Variants in DEPTOR observed in about 807,000 individuals in gnomAD.
The protein encoded by DEPTOR is DEP domain containing MTOR interacting protein.
In DEPTOR, 41 loss-of-function variants were observed where a neutral mutation model predicts 41.6. The ratio of observed to expected loss-of-function variants is 0.98; its 90% CI spans 0.77 to 1.28. DEPTOR has a LOEUF of 1.28. DEPTOR is among the 50% of genes most tolerant of loss of function. The pLI is 0.00. For missense variants in DEPTOR, 514 were observed against 527.9 expected, an observed-to-expected ratio of 0.97 and a Z score of 0.26; for synonymous variants, 195 against 192.3, an observed-to-expected ratio of 1.01 and a Z score of -0.12.
chr8:119,959,158 CTTTTTTTTTT>C (rs60202859), intron 3 of DEPTOR, among the ~76,000 whole-genome samples: 16 of 114,868 alleles, frequency 1.4e-4, no homozygotes, highest in South Asian at 3.1e-4. Context: ...TTCTTTCTTT[CTTTTTTTTTT>C]TTTTTTTTTT....
intron 5 of DEPTOR, among the ~76,000 whole-genome samples, 186 bp from the exon 6 acceptor site, chr8:120,002,791 A>AAAAAAAATAAATATATAT: frequency 1.6e-5 from 1 of 60,674 alleles, no homozygotes; most frequent in Non-Finnish European, 2.9e-5. Context: ...AAAAAAAAAA[A>AAAAAAAATAAATATATAT]ATATATATAT....
chr8:119,919,382 C>CT (rs1827862619), intron 1 of DEPTOR, among the ~76,000 whole-genome samples: 1 of 151,984 alleles, frequency 6.6e-6, no homozygotes, highest in Admixed American at 6.6e-5. Context: ...GTTAACCCAG[C>CT]TTTAATAATT....
chr8:119,873,736 A>G lies in DEPTOR; in HGVS notation c.-111A>G. 2 of 1,468,084 alleles carry G rather than the reference A, an allele frequency of 1.4e-6. No homozygotes were observed. The highest frequency in any genetic ancestry group is 9.2e-7 in the Non-Finnish European group (1 of 1,089,762). The allele number at this position is 1,468,084 out of a possible 1,614,324, so 90.9% of individuals were successfully genotyped here. A position where few individuals can be genotyped will look rare whatever the true frequency, so the allele number is the denominator to read the frequency against. On this transcript the variant is annotated 5_prime_UTR_variant, in exon 1 of 9. Transcript: ENST00000286234. ...CCAGCCAATCCAGTCAGAGCAGCGG[A>G]GCTGCCCCGAACAAAGATGGCGCGG...
Position 120,009,002 on chromosome 8 carries a change from C to G in DEPTOR, c.997-27C>G, listed in dbSNP as rs752944549. On this transcript the variant is annotated intron_variant, in intron 7 of 8. Coordinates refer to ENST00000286234, the MANE Select transcript of DEPTOR (RefSeq NM_022783.4). Reference sequence around the variant, plus strand: ...GCAAATTGCCGGAGACAGTCGGCTGCTTGCTAATTGTGGTTTTCCTCTCTA... The same window carrying G: ...GCAAATTGCCGGAGACAGTCGGCTGGTTGCTAATTGTGGTTTTCCTCTCTA... The G allele has an allele frequency of 3.7e-6, 6 of 1,610,074 alleles. No individual in the cohort carries two copies. In the South Asian group the frequency reaches 6.6e-5, roughly 18 times the overall value.
Position 119,942,798 on chromosome 8 carries a change from T to C in DEPTOR, c.425+12860T>C, listed in dbSNP as rs138054698. On this transcript the variant is annotated intron_variant, in intron 3 of 8. Transcript: ENST00000286234. ...TTCAGCTTTTCTGAGTCTCTGTTTT[T>C]TCATGGGAAAATGGGAAGAAAATGC... 5.1e-4 allele frequency among the ~76,000 whole-genome samples: 77 copies of C among 152,314 alleles called. No homozygotes were observed. The East Asian group carries it at 6.8e-3, about 13-fold the overall frequency.
intron 3 of DEPTOR, among the ~76,000 whole-genome samples, chr8:119,937,871 C>T (rs891922978): frequency 6.6e-5 from 10 of 152,196 alleles, no homozygotes; most frequent in Admixed American, 3.9e-4. Flanking sequence ...GAACCCTAAG[C>T]TTCAGGAACC....
At chr8:119,965,555 G>A (rs1828548658) in intron 4 of DEPTOR, 145 bp downstream of exon 4, 3 of 1,064,556 alleles carry the variant, frequency 2.8e-6, no homozygotes, top group Non-Finnish European at 4.0e-6. Context: ...CCAAGTTGGG[G>A]GTCAAATTCA....
chr8:119,966,416 G>T (rs1828562261), intron 4 of DEPTOR, among the ~76,000 whole-genome samples: 1 of 152,236 alleles, frequency 6.6e-6, no homozygotes, highest in African/African-American at 2.4e-5. Flanking sequence ...GGTTATACAT[G>T]TAAGGGCCAA....
chr8:119,987,961 G>A (rs1394828607), intron 4 of DEPTOR, among the ~76,000 whole-genome samples: 1 of 152,164 alleles, frequency 6.6e-6, no homozygotes, highest in African/African-American at 2.4e-5. Context: ...GGCTCCATTG[G>A]GTTGGGAACT....
intron 1 of DEPTOR, among the ~76,000 whole-genome samples, chr8:119,879,178 C>T (rs1213123423): frequency 3.3e-5 from 5 of 151,962 alleles, no homozygotes; most frequent in Non-Finnish European, 5.9e-5. Flanking sequence ...AAGACAGTCA[C>T]AAGTGTTTGT....
intron 3 of DEPTOR, among the ~76,000 whole-genome samples, chr8:119,952,497 C>T (rs4871816): frequency 0.38 from 57,992 of 152,030 alleles, 11,966 homozygotes; most frequent in Admixed American, 0.54. Context: ...ATGTGCAGAA[C>T]GTGCAGGTTT....
intron 3 of DEPTOR, among the ~76,000 whole-genome samples, chr8:119,948,209 G>A (rs750298613): frequency 1.3e-5 from 2 of 152,108 alleles, no homozygotes; most frequent in Non-Finnish European, 2.9e-5. Context: ...TAAGGGCCAC[G>A]TCTTTTCATT....
intron 1 of DEPTOR, among the ~76,000 whole-genome samples, chr8:119,896,496 T>G (rs564464501): frequency 8.3e-6 from 1 of 119,898 alleles, no homozygotes; most frequent in South Asian, 3.0e-4. Flanking sequence ...TGTTTCTTTG[T>G]GTTTTTGTTT....
chr8:120,006,151 T>C (rs1267524160), intron 6 of DEPTOR, among the ~76,000 whole-genome samples: 1 of 152,170 alleles, frequency 6.6e-6, no homozygotes, highest in African/African-American at 2.4e-5. Context: ...GGTGCCTCTC[T>C]AGCATATGTT....
In DEPTOR at chr8:119,991,104, C is replaced by G. The variant is rs543920960; in HGVS notation, c.605-10421C>G. 4.1e-3 allele frequency among the ~76,000 whole-genome samples: 282 copies of G among 69,338 alleles called. 6 individuals are homozygous for G. The highest frequency in any genetic ancestry group is 7.0e-3 in the Non-Finnish European group (220 of 31,640). The allele number at this position is 69,338 out of a possible 152,430, so 45.5% of individuals were successfully genotyped here. On this transcript the variant is annotated intron_variant, in intron 4 of 8. Transcript: ENST00000286234. ...TTTCTTTCTTTTTCTTTCTTTCTTT[C>G]TTTCTTTCTTTCTTTTTTTTTTAAA...
chr8:119,941,929 T>G (rs1343757053), intron 3 of DEPTOR, among the ~76,000 whole-genome samples: 1 of 152,196 alleles, frequency 6.6e-6, no homozygotes, highest in African/African-American at 2.4e-5. Context: ...ATAAACGGTA[T>G]GCAGCTTAAT....
intron 4 of DEPTOR, among the ~76,000 whole-genome samples, chr8:119,977,199 C>T (rs1020784937): frequency 5.3e-5 from 8 of 152,092 alleles, no homozygotes; most frequent in Admixed American, 5.2e-4. Flanking sequence ...GACGGGGTTT[C>T]GCCATGTTGG....
intron 1 of DEPTOR, among the ~76,000 whole-genome samples, chr8:119,900,125 C>T (rs948911600): frequency 2.0e-5 from 3 of 151,774 alleles, no homozygotes; most frequent in Non-Finnish European, 4.4e-5. Flanking sequence ...TCAAGACCAG[C>T]CTGGCCAACA....
intron 8 of DEPTOR, among the ~76,000 whole-genome samples, chr8:120,018,017 T>A (rs764741235): frequency 1.3e-5 from 2 of 152,016 alleles, no homozygotes; most frequent in Middle Eastern, 3.2e-3. Context: ...TGTCCTTTTT[T>A]TCCTCTTTCA....
Sources: gnomAD v4.1 joint callset for allele counts (sites outside exome capture counted in the v4.1 genomes callset) on GRCh38, gnomAD v4.1.1 for gene constraint, MANE v1.5 for transcripts, NCBI Gene and HGNC (gene_info 2026-07-23, HGNC 2026-07-21) for gene names.